ELFN2: variants seen among roughly 807,000 people sequenced by gnomAD.
ELFN2 encodes extracellular leucine rich repeat and fibronectin type III domain containing 2, also known as protein phosphatase 1 regulatory subunit 29.
ELFN2 carries 17 observed loss-of-function variants against 45.5 expected under a neutral mutation model. The observed-to-expected ratio is 0.37, with a 90% CI of 0.26 to 0.56. The LOEUF is 0.56. Among genes scored for constraint, ELFN2 ranks in the 20% least tolerant of loss-of-function variants. The pLI is 0.77. For missense variants in ELFN2, 922 were observed against 1,183.2 expected, an observed-to-expected ratio of 0.78 and a Z score of 3.24; for synonymous variants, 550 against 551.5, an observed-to-expected ratio of 1.00 and a Z score of 0.04.
At chr22:37,386,818 G>A (rs374477005) in intron 2 of ELFN2, among the ~76,000 whole-genome samples, 8 of 152,166 alleles carry the variant, frequency 5.3e-5, no homozygotes, top group Non-Finnish European at 5.9e-5. Context: ...CCTCCCTAAC[G>A]TGCTGCCAAA....
Position 37,350,119 on chromosome 22 carries a change from G to A in ELFN2, n.149-7416C>T, listed in dbSNP as rs545053060. ...CACAGCACCCAGAGACGCCCTTGTC[G>A]GAGAAGGGAACCCCACAGCTGGCCT... is the stretch of plus-strand genomic sequence containing the variant. On this transcript the variant is annotated intron_variant and non_coding_transcript_variant, in intron 1 of 2. Transcript: ENST00000452946. Among the ~76,000 whole-genome samples, 3 of 151,042 alleles carry A rather than the reference G, an allele frequency of 2.0e-5. No individual in the cohort carries two copies. In the East Asian group the frequency reaches 5.8e-4, roughly 29 times the overall value.
chr22:37,416,543 G>A (rs1173910277), intron 2 of ELFN2, among the ~76,000 whole-genome samples: 1 of 152,200 alleles, frequency 6.6e-6, no homozygotes, highest in Non-Finnish European at 1.5e-5. Context: ...GGGAGCGAGA[G>A]GGCTCAAGGA....
downstream of ELFN2, among the ~76,000 whole-genome samples, chr22:37,365,340 T>C (rs182842374): frequency 1.1e-3 from 160 of 152,256 alleles, no homozygotes; most frequent in Middle Eastern, 6.8e-3. Context: ...AGGAAGTTCC[T>C]GGCCCAGTAG....
chr22:37,382,467 T>C (rs565664072), intron 2 of ELFN2, among the ~76,000 whole-genome samples: 145 of 151,012 alleles, frequency 9.6e-4, no homozygotes, highest in African/African-American at 3.4e-3. Context: ...ATGGTCTCCA[T>C]CTCTTGACCT....
chr22:37,354,143 C>A (rs1225539517), intron 1 of ELFN2: 1 of 152,190 alleles, frequency 6.6e-6, no homozygotes, highest in East Asian at 1.9e-4. Flanking sequence ...CAGTCTCAAG[C>A]GAGGACGTCG....
chr22:37,385,161 G>C (rs1931915058), intron 2 of ELFN2: 1 of 152,268 alleles, frequency 6.6e-6, no homozygotes, highest in Non-Finnish European at 1.5e-5. Context: ...AGCCCGGGGA[G>C]GGATGGGCGG....
downstream of ELFN2, among the ~76,000 whole-genome samples, chr22:37,367,451 G>A (rs1044457085): frequency 3.3e-5 from 5 of 152,354 alleles, no homozygotes; most frequent in East Asian, 1.9e-4. Flanking sequence ...CAGGCCAGGC[G>A]TGGAGGAGGC....
intron 2 of ELFN2, among the ~76,000 whole-genome samples, chr22:37,408,048 G>C (rs550053187): frequency 6.6e-6 from 1 of 152,216 alleles, no homozygotes; most frequent in Non-Finnish European, 1.5e-5. Context: ...GTCCAAGGCT[G>C]ATTCAGTCCC....
chr22:37,422,924 T>C (rs1460575754), intron 1 of ELFN2, among the ~76,000 whole-genome samples: 1 of 122,656 alleles, frequency 8.2e-6, no homozygotes, highest in African/African-American at 3.3e-5. Flanking sequence ...CCCCACTTCA[T>C]ATTGAGGAAA....
At position 37,372,927 on chromosome 22, in the gene ELFN2, TGTGC is replaced by T. The variant is rs911271775; in HGVS notation, c.*141_*144del. 67 of 798,828 alleles carry T rather than the reference TGTGC, an allele frequency of 8.4e-5. 1 individual carries two copies. Among genetic ancestry groups the T allele is most frequent in the South Asian group, 3.3e-4 (18 of 54,278 alleles). 49.5% of individuals were successfully genotyped at this position (798,828 alleles called of 1,614,324 possible). A position where few individuals can be genotyped will look rare whatever the true frequency, so the allele number is the denominator to read the frequency against. On this transcript the variant is annotated 3_prime_UTR_variant, in exon 3 of 3. Transcript: ENST00000402918. The surrounding 1 kb of genome is among the most constrained non-coding windows in gnomAD (Gnocchi z 4.4). ...CAGTCGGGTGGTGGTCAGGTGTGTG[TGTGC>T]GTGCGTGCGTGCGGGTCTGCATGTG...
At chr22:37,395,062 G>A (rs1270829196) in intron 2 of ELFN2, among the ~76,000 whole-genome samples, 2 of 151,690 alleles carry the variant, frequency 1.3e-5, no homozygotes, top group African/African-American at 4.8e-5. Flanking sequence ...CCAAGATCAC[G>A]CCACTGCACT....
chr22:37,414,895 C>T (rs1932739073), intron 2 of ELFN2, among the ~76,000 whole-genome samples: 1 of 152,312 alleles, frequency 6.6e-6, no homozygotes. Flanking sequence ...CTCTTCCTTC[C>T]CAGGTCACCC....
chr22:37,378,962 G>A (rs1324225476), intron 2 of ELFN2, among the ~76,000 whole-genome samples: 1 of 152,230 alleles, frequency 6.6e-6, no homozygotes, highest in Admixed American at 6.5e-5. Context: ...CCAAGGTCAT[G>A]CCCCTCCCCT....
In ELFN2 at chr22:37,375,006, G is replaced by A; in HGVS notation, c.529C>T (p.Leu177=). ...TTGCCGGCCAGCTCACACACCATCAGGCTGGCGAGGCTGGCAAAGGTGGCA... is the reference window on the plus strand; with the variant it reads ...TTGCCGGCCAGCTCACACACCATCAAGCTGGCGAGGCTGGCAAAGGTGGCA... The part of the protein sequence containing the change: ...DGATFASLAS[L]MVCELAGNPF... The change falls in exon 3 of 3, where the codon CTG becomes TTG. Residue 177 remains leucine (L), a synonymous_variant. Coordinates refer to ENST00000402918, the MANE Select transcript of ELFN2 (RefSeq NM_052906.5). 1 of 1,613,464 alleles carries A rather than the reference G, an allele frequency of 6.2e-7. No individual in the cohort carries two copies. The highest frequency in any genetic ancestry group is 8.5e-7 in the Non-Finnish European group (1 of 1,180,018).
chr22:37,404,732 ACAGGTGCAG>A (rs1357817813), intron 2 of ELFN2, among the ~76,000 whole-genome samples: 1 of 152,102 alleles, frequency 6.6e-6, no homozygotes, highest in Non-Finnish European at 1.5e-5. Context: ...GCGCTCAGGG[ACAGGTGCAG>A]CAGCTGGGAG....
At chr22:37,350,960 T>C (rs2145613305) in intron 1 of ELFN2, among the ~76,000 whole-genome samples, 1 of 150,454 alleles carries the variant, frequency 6.6e-6, no homozygotes, top group South Asian at 2.1e-4. Context: ...TGCCCTCTAA[T>C]CCTGCCCCTG....
At position 37,417,062 on chromosome 22, in the gene ELFN2, C is replaced by T. The variant is rs1932766911; in HGVS notation, c.-463+707G>A. Among the ~76,000 whole-genome samples, 2 of 152,022 alleles carry T rather than the reference C, an allele frequency of 1.3e-5. No homozygotes were observed. Among genetic ancestry groups the T allele is most frequent in the Admixed American group, 6.5e-5 (1 of 15,276 alleles). ...CACGGCAACCACCGTCACTCAGCGC[C>T]GCCTGGACAACAGCTCCCTCCACGT... On this transcript the variant is annotated intron_variant, in intron 2 of 2. Coordinates refer to ENST00000402918, the MANE Select transcript of ELFN2 (RefSeq NM_052906.5). The surrounding 1 kb of genome is among the most constrained non-coding windows in gnomAD (Gnocchi z 4.5).
At chr22:37,401,619 A>G (rs1398001034) in intron 2 of ELFN2, among the ~76,000 whole-genome samples, 1 of 152,222 alleles carries the variant, frequency 6.6e-6, no homozygotes, top group African/African-American at 2.4e-5. Context: ...CACTAGAAAC[A>G]GCCCAAACAA....
chr22:37,373,065 G>C lies in ELFN2; in HGVS notation c.*7C>G, dbSNP rs368464304. 4.6e-5 allele frequency: 72 copies of C among 1,581,694 alleles called. No individual in the cohort carries two copies. The highest frequency in any genetic ancestry group is 2.9e-4 in the African/African-American group (22 of 74,614). ...GGCTCCGACCTCACCAGGGAGGAAG[G>C]GGGGGGTCACAGCTTCTGCTGGGCG... On this transcript the variant is annotated 3_prime_UTR_variant, in exon 3 of 3. Coordinates refer to ENST00000402918, the MANE Select transcript of ELFN2 (RefSeq NM_052906.5).
Sources: gnomAD v4.1 joint callset for allele counts (sites outside exome capture counted in the v4.1 genomes callset) on GRCh38, gnomAD v4.1.1 for gene constraint, Gnocchi (gnomAD v3.1) non-coding constraint, MANE v1.5 for transcripts, NCBI Gene and HGNC (gene_info 2026-07-23, HGNC 2026-07-21) for gene names.